The following CD2 variants were observed in gnomAD, a reference collection of about 807,000 sequenced individuals.
CD2 encodes the protein CD2 molecule.
CD2 carries 18 observed loss-of-function variants against 23.2 expected under a neutral mutation model. The ratio of observed to expected loss-of-function variants is 0.77; its 90% confidence interval spans 0.54 to 1.15. CD2 has a LOEUF of 1.15. Ranked by LOEUF, CD2 falls within the 50% of genes most tolerant of loss-of-function variation. The probability of loss-of-function intolerance (pLI) is 0.00; values close to 1 mark genes in which losing one functional copy is unlikely to be tolerated. For missense variants in CD2, 424 were observed against 423.1 expected (o/e 1.00, Z -0.02); for synonymous variants, 162 against 151.9 (o/e 1.07, Z -0.49).
At chr1:116,760,072 T>C (rs750021375) in intron 2 of CD2, among the ~76,000 whole-genome samples, 1 of 152,194 alleles carries the variant, frequency 6.6e-6, no homozygotes, top group Non-Finnish European at 1.5e-5. Context: ...GAACATTTTG[T>C]CTGTAAATGG....
intron 4 of CD2, among the ~76,000 whole-genome samples, chr1:116,766,304 C>T (rs1025918052): frequency 6.6e-5 from 10 of 152,206 alleles, no homozygotes; most frequent in African/African-American, 2.4e-4. Context: ...TGCACAGAGC[C>T]GTAGCCAACC....
At chr1:116,761,673 A>C (rs1256651165) in intron 3 of CD2, among the ~76,000 whole-genome samples, 1 of 152,224 alleles carries the variant, frequency 6.6e-6, no homozygotes, top group African/African-American at 2.4e-5. Flanking sequence ...AGGGGATTGC[A>C]CATAGGTGAG....
Position 116,754,465 on chromosome 1 carries a change from G to T in CD2, c.-28G>T, listed in dbSNP as rs982009528. On this transcript the variant is annotated 5_prime_UTR_variant, in exon 1 of 5. An upstream open reading frame in the 5' UTR gains an earlier in-frame stop. Transcript: ENST00000369478. ...CAGTTCCTTTTGCATGAAGAGCTCA[G>T]AATCAAAAGAGGAAACCAACCCCTA... The T allele has an allele frequency of 6.2e-7, 1 of 1,606,064 alleles. No individual in the cohort carries two copies. Among genetic ancestry groups the T allele is most frequent in the Non-Finnish European group, 8.5e-7 (1 of 1,174,550 alleles).
Position 116,768,927 on chromosome 1 carries a change from T to G in CD2, c.*144T>G. The G allele has an allele frequency of 1.3e-6, 1 of 777,592 alleles. No homozygotes were observed. The allele number at this position is 777,592 out of a possible 1,614,324, so 48.2% of individuals were successfully genotyped here. On this transcript the variant is annotated 3_prime_UTR_variant, in exon 5 of 5. Transcript: ENST00000369478. ...TGTGGGCCACAGCCACCTCTGCATC[T>G]TCGAACTCAGCCATGTGGTCAACAT...
chr1:116,757,255 C>T (rs967922825), intron 2 of CD2, among the ~76,000 whole-genome samples: 11 of 152,060 alleles, frequency 7.2e-5, no homozygotes, highest in Non-Finnish European at 2.9e-5. Context: ...CATCGGCCTC[C>T]CAAAGTGCTG....
intron 4 of CD2, 60 bp from the exon 5 acceptor site, chr1:116,768,404 C>T: frequency 6.6e-7 from 1 of 1,507,526 alleles, no homozygotes; most frequent in Non-Finnish European, 9.0e-7. Context: ...AAAAGGTACT[C>T]AATATTTACA....
rs1652313853 is a variant in CD2, at chr1:116,769,024, A to T, written c.*241A>T. The T allele has an allele frequency of 5.9e-6, 3 of 509,842 alleles. No individual in the cohort carries two copies. Among genetic ancestry groups the T allele is most frequent in the South Asian group, 2.9e-5 (1 of 34,782 alleles). 31.6% of individuals were successfully genotyped at this position (509,842 alleles called of 1,614,324 possible). On this transcript the variant is annotated 3_prime_UTR_variant, in exon 5 of 5. Coordinates refer to ENST00000369478, the MANE Select transcript of CD2 (RefSeq NM_001767.5). The stretch of plus-strand genomic sequence containing the variant: ...GAAGCAATATAAGTGTGATTGCAAG[A>T]ATGGTAGAGGACCGAGCACAGAAAT...
At chr1:116,764,760 T>C in intron 4 of CD2, 154 bp downstream of exon 4, 1 of 637,224 alleles carries the variant, frequency 1.6e-6, no homozygotes, top group South Asian at 1.9e-5. Context: ...TTGTTTCATT[T>C]TGTGGTTAGC....
In CD2 at chr1:116,768,933, C is replaced by A; in HGVS notation, c.*150C>A. The A allele has an allele frequency of 1.4e-6, 1 of 738,066 alleles. No individual in the cohort carries two copies. The highest frequency in any genetic ancestry group is 1.9e-5 in the South Asian group (1 of 52,912). 45.7% of individuals were successfully genotyped at this position (738,066 alleles called of 1,614,324 possible). A position where few individuals can be genotyped will look rare whatever the true frequency, so the allele number is the denominator to read the frequency against. On this transcript the variant is annotated 3_prime_UTR_variant, in exon 5 of 5. Coordinates refer to ENST00000369478, the MANE Select transcript of CD2 (RefSeq NM_001767.5). The stretch of plus-strand genomic sequence containing the variant: ...CCACAGCCACCTCTGCATCTTCGAA[C>A]TCAGCCATGTGGTCAACATCTGGAG...
intron 4 of CD2, among the ~76,000 whole-genome samples, chr1:116,767,086 G>T (rs773744438): frequency 6.6e-6 from 1 of 152,132 alleles, no homozygotes; most frequent in Non-Finnish European, 1.5e-5. Context: ...GTCCTTTCTG[G>T]AGGCCCTTTC....
chr1:116,760,770 C>A, intron 3 of CD2, 138 bp downstream of exon 3: 1 of 681,736 alleles, frequency 1.5e-6, no homozygotes, highest in Non-Finnish European at 2.6e-6. Context: ...TCTCTTCCTC[C>A]TGGAAACCTT....
Position 116,768,494 on chromosome 1 carries a change from T to G in CD2, c.767T>G (p.Val256Gly), listed in dbSNP as rs369716425. Residue 256 changes from valine (V) to glycine (G), a missense_variant, in exon 5 of 5, where the codon GTA becomes GGA. Val to Gly is a moderately radical substitution (Grantham distance 109). Coordinates refer to ENST00000369478, the MANE Select transcript of CD2 (RefSeq NM_001767.5). ...GAGCTGGAGACAAGAGCCCACAGAG[T>G]AGCTACTGAAGAAAGGGGCCGGAAG... The part of the protein sequence containing the change: ...DEELETRAHR[V>G]ATEERGRKPH... The G allele has an allele frequency of 4.2e-5, 67 of 1,613,782 alleles. No homozygotes were observed. Among genetic ancestry groups the G allele is most frequent in the Non-Finnish European group, 5.4e-5 (64 of 1,179,980 alleles).
At chr1:116,758,440 C>A (rs756859714) in intron 2 of CD2, among the ~76,000 whole-genome samples, 1 of 152,098 alleles carries the variant, frequency 6.6e-6, no homozygotes, top group Non-Finnish European at 1.5e-5. Flanking sequence ...GCACCTGGGC[C>A]TACCAGCAAT....
Position 116,769,080 on chromosome 1 carries a change from T to C in CD2, c.*297T>C, listed in dbSNP as rs944112837. On this transcript the variant is annotated 3_prime_UTR_variant, in exon 5 of 5. Coordinates refer to ENST00000369478, the MANE Select transcript of CD2 (RefSeq NM_001767.5). ...AGATTTCTTGTCCCCTCTCAGGTCA[T>C]GTGTAGATGCGATAAATCAAGTGAT... 1.5e-5 allele frequency: 5 copies of C among 331,250 alleles called. No individual in the cohort carries two copies. The highest frequency in any genetic ancestry group is 5.8e-5 in the South Asian group (1 of 17,210). The allele number at this position is 331,250 out of a possible 1,614,324, so 20.5% of individuals were successfully genotyped here.
chr1:116,755,855 G>A (rs116815201), intron 2 of CD2, among the ~76,000 whole-genome samples: 1,582 of 152,190 alleles, frequency 0.01, 36 homozygotes, highest in African/African-American at 0.035. Flanking sequence ...TTGAAAGCCC[G>A]GGGGGATGCT....
In CD2 at chr1:116,760,620, G is replaced by C. The variant is rs1475924290; in HGVS notation, c.601G>C (p.Val201Leu). 2 of 1,614,060 alleles carry C rather than the reference G, an allele frequency of 1.2e-6. No homozygotes were observed. The highest frequency in any genetic ancestry group is 1.7e-6 in the Non-Finnish European group (2 of 1,179,978). Residue 201 changes from valine to leucine, a missense_variant, in exon 3 of 5, where the codon GTC becomes CTC. Val to Leu is a conservative substitution (Grantham distance 32). Coordinates refer to ENST00000369478, the MANE Select transcript of CD2 (RefSeq NM_001767.5). Reference protein sequence around the residue: ...KVSKESSVEPVSCPEKGLDIY... With the variant: ...KVSKESSVEPLSCPEKGLDIY... ...CAGCAAGGAATCCAGTGTCGAGCCT[G>C]TCAGCTGTCCAGGTGCGTGGCGGGC...
chr1:116,768,612 T>A lies in CD2; in HGVS notation c.885T>A (p.His295Gln). 6.2e-7 allele frequency: 1 copy of A among 1,613,930 alleles called. No individual in the cohort carries two copies. Among genetic ancestry groups the A allele is most frequent in the South Asian group, 1.1e-5 (1 of 91,064 alleles). ...GTCATCGTTCCCAGGCACCTAGTCA[T>A]CGTCCCCCGCCTCCTGGACACCGTG... is the stretch of plus-strand genomic sequence containing the variant. ...PPGHRSQAPS[H>Q]RPPPPGHRVQ... Residue 295 changes from histidine (H) to glutamine (Q), a missense_variant, in exon 5 of 5, where the codon CAT becomes CAA. By Grantham distance (24) the His-to-Gln change is conservative. Transcript: ENST00000369478.
intron 3 of CD2, among the ~76,000 whole-genome samples, chr1:116,761,794 C>G (rs768771029): frequency 6.6e-6 from 1 of 152,162 alleles, no homozygotes; most frequent in Non-Finnish European, 1.5e-5. Context: ...CACATTCCCC[C>G]ATCACTAAGG....
chr1:116,768,202 C>G (rs2101174357), intron 4 of CD2, among the ~76,000 whole-genome samples: 1 of 152,240 alleles, frequency 6.6e-6, no homozygotes, highest in Middle Eastern at 3.4e-3. Flanking sequence ...ATCATGGGAG[C>G]CCCAGGCACA....
Sources: allele counts gnomAD v4.1 joint callset (sites outside exome capture counted in the v4.1 genomes callset), GRCh38; gene constraint gnomAD v4.1.1; transcripts MANE v1.5; gene names NCBI Gene and HGNC (gene_info 2026-07-23, HGNC 2026-07-21).